The following ZMAT4 variants were observed in gnomAD, a reference collection of about 807,000 sequenced individuals.
The protein encoded by ZMAT4 is zinc finger matrin-type 4, also known as zinc finger matrin-type protein 4.
In ZMAT4, 17 loss-of-function variants were observed where a neutral mutation model predicts 28.7. The observed-to-expected ratio is 0.59, with a 90% CI of 0.41 to 0.89. The LOEUF (loss-of-function observed/expected upper bound fraction) is 0.89, where lower values mean the gene tolerates loss of function less well. Among genes scored for constraint, ZMAT4 ranks in the 40% least tolerant of loss-of-function variants. The pLI, the probability that ZMAT4 is intolerant of heterozygous loss-of-function variation, is 0.00. For missense variants in ZMAT4, 240 were observed against 283.8 expected (o/e 0.85, Z 1.11); for synonymous variants, 117 against 109.2 (o/e 1.07, Z -0.44).
intron 1 of ZMAT4, among the ~76,000 whole-genome samples, chr8:40,860,281 G>C (rs62636694): frequency 6.6e-6 from 1 of 152,130 alleles, no homozygotes; most frequent in Admixed American, 6.5e-5. Context: ...AGGCCAAGCT[G>C]GGACCATGAG....
At chr8:40,713,665 T>C (rs1029272941) in intron 3 of ZMAT4, among the ~76,000 whole-genome samples, 4 of 151,600 alleles carry the variant, frequency 2.6e-5, no homozygotes, top group Admixed American at 6.6e-5. Context: ...TCCCAGCACT[T>C]TGGGAGGCGG....
At chr8:40,720,316 A>G (rs1811025498) in intron 3 of ZMAT4, among the ~76,000 whole-genome samples, 1 of 151,444 alleles carries the variant, frequency 6.6e-6, no homozygotes, top group South Asian at 2.1e-4. Context: ...TCCCAACTTA[A>G]TAAAATCTAC....
intron 6 of ZMAT4, among the ~76,000 whole-genome samples, chr8:40,549,577 C>T (rs570690426): frequency 6.6e-6 from 1 of 152,120 alleles, no homozygotes; most frequent in Non-Finnish European, 1.5e-5. Context: ...ATCAGAGATT[C>T]CTCACACACA....
chr8:40,758,297 A>G (rs1207849828), intron 3 of ZMAT4, among the ~76,000 whole-genome samples: 2 of 152,190 alleles, frequency 1.3e-5, no homozygotes, highest in African/African-American at 4.8e-5. Context: ...TCTTCTTGTC[A>G]TGAAGCCAGT....
intron 5 of ZMAT4, among the ~76,000 whole-genome samples, chr8:40,649,295 C>T (rs1807513439): frequency 6.6e-6 from 1 of 152,010 alleles, no homozygotes; most frequent in African/African-American, 2.4e-5. Flanking sequence ...ATAAAACAGA[C>T]TTTAAACCAA....
At chr8:40,537,578 A>T (rs1802886386) in intron 6 of ZMAT4, among the ~76,000 whole-genome samples, 1 of 152,224 alleles carries the variant, frequency 6.6e-6, no homozygotes, top group Admixed American at 6.5e-5. Flanking sequence ...TAGAATTTGC[A>T]TTGTTTATAT....
chr8:40,822,688 C>G (rs936480316), intron 2 of ZMAT4, among the ~76,000 whole-genome samples: 1 of 152,190 alleles, frequency 6.6e-6, no homozygotes, highest in Non-Finnish European at 1.5e-5. Context: ...CTGACTGTGC[C>G]CTTTTCACAT....
chr8:40,803,746 A>G (rs776645477), intron 2 of ZMAT4, among the ~76,000 whole-genome samples: 5 of 152,194 alleles, frequency 3.3e-5, no homozygotes, highest in Non-Finnish European at 7.3e-5. Flanking sequence ...CAAAGGAGTG[A>G]AAAACTTGTG....
At chr8:40,742,985 G>A (rs1158881119) in intron 3 of ZMAT4, among the ~76,000 whole-genome samples, 8 of 152,094 alleles carry the variant, frequency 5.3e-5, no homozygotes, top group Non-Finnish European at 1.2e-4. Flanking sequence ...GCTGAGGCAA[G>A]TGGGTCACCT....
chr8:40,783,905 G>C (rs1028293582), intron 2 of ZMAT4, among the ~76,000 whole-genome samples: 1 of 152,158 alleles, frequency 6.6e-6, no homozygotes, highest in Non-Finnish European at 1.5e-5. Context: ...CAGCTACTTG[G>C]GAGGTTGAGG....
intron 3 of ZMAT4, among the ~76,000 whole-genome samples, chr8:40,724,441 T>C (rs1811237448): frequency 6.6e-6 from 1 of 152,236 alleles, no homozygotes; most frequent in Non-Finnish European, 1.5e-5. Context: ...TTCAACCTGT[T>C]TTATAAATAA....
intron 5 of ZMAT4, among the ~76,000 whole-genome samples, chr8:40,649,165 G>T (rs1311635049): frequency 1.3e-5 from 2 of 152,036 alleles, no homozygotes; most frequent in Non-Finnish European, 2.9e-5. Flanking sequence ...TCAGTGTGCT[G>T]TATTCAGGAA....
chr8:40,823,781 CT>C (rs1360850900), intron 2 of ZMAT4, among the ~76,000 whole-genome samples: 1 of 152,038 alleles, frequency 6.6e-6, no homozygotes, highest in East Asian at 1.9e-4. Context: ...AAACGATGGA[CT>C]TTTTTAGATA....
intron 1 of ZMAT4, among the ~76,000 whole-genome samples, chr8:40,854,683 C>T (rs895189873): frequency 6.6e-6 from 1 of 152,158 alleles, no homozygotes; most frequent in Non-Finnish European, 1.5e-5. Context: ...CAGCCCACAG[C>T]CTGCAGGTGG....
intron 6 of ZMAT4, among the ~76,000 whole-genome samples, chr8:40,547,497 T>C (rs1803241380): frequency 6.6e-6 from 1 of 152,220 alleles, no homozygotes; most frequent in South Asian, 2.1e-4. Context: ...AATTTTAACC[T>C]TGCAATTTAT....
At chr8:40,539,971 C>A (rs1367965747) in intron 6 of ZMAT4, among the ~76,000 whole-genome samples, 2 of 152,168 alleles carry the variant, frequency 1.3e-5, no homozygotes, top group African/African-American at 2.4e-5. Context: ...ATAATAGTAG[C>A]CCAACCTTTA....
intron 5 of ZMAT4, among the ~76,000 whole-genome samples, chr8:40,651,012 G>C (rs1807617706): frequency 6.6e-6 from 1 of 150,796 alleles, no homozygotes; most frequent in Non-Finnish European, 1.5e-5. Flanking sequence ...TTTGAAAACT[G>C]GCACAAGACA....
chr8:40,633,890 G>T (rs1806691470), intron 5 of ZMAT4, among the ~76,000 whole-genome samples: 1 of 152,180 alleles, frequency 6.6e-6, no homozygotes, highest in South Asian at 2.1e-4. Context: ...CCCGTTTTCG[G>T]AAAGCAGCTT....
intron 6 of ZMAT4, among the ~76,000 whole-genome samples, chr8:40,538,033 G>A (rs987062507): frequency 1.3e-5 from 2 of 152,118 alleles, no homozygotes; most frequent in Admixed American, 6.5e-5. Context: ...GCTCAGCCAG[G>A]GCTCTTTTAA....
Sources: allele counts gnomAD v4.1 joint callset (sites outside exome capture counted in the v4.1 genomes callset), GRCh38; gene constraint gnomAD v4.1.1; transcripts MANE v1.5; gene names NCBI Gene and HGNC (gene_info 2026-07-23, HGNC 2026-07-21).